Variants in C12orf76 observed in about 807,000 individuals in gnomAD.
C12orf76 encodes the protein uncharacterized protein C12orf76.
A neutral mutation model predicts 6.8 loss-of-function variants in C12orf76; 6 were observed. That is an observed-to-expected ratio of 0.88 (90% confidence interval 0.48 to 1.73). The LOEUF (loss-of-function observed/expected upper bound fraction) is 1.73, where lower values mean the gene tolerates loss of function less well. C12orf76 is among the 40% of genes most tolerant of loss of function. The pLI is 0.01. For synonymous variants in C12orf76, 56 were observed against 43.7 expected, an observed-to-expected ratio of 1.28 and a Z score of -1.11; for missense variants, 99 against 98.2, an observed-to-expected ratio of 1.01 and a Z score of -0.03.
chr12:110,061,619 C>T (rs923491961), intron 2 of C12orf76, among the ~76,000 whole-genome samples: 3 of 152,002 alleles, frequency 2.0e-5, no homozygotes, highest in Non-Finnish European at 4.4e-5. Flanking sequence ...TCACCGCAAC[C>T]TCTGCTGCCT....
upstream of C12orf76, among the ~76,000 whole-genome samples, chr12:110,053,291 A>G (rs935065150): frequency 1.3e-5 from 2 of 151,810 alleles, no homozygotes; most frequent in African/African-American, 4.8e-5. Context: ...TCAAGACCAG[A>G]AGTTCGAGAC....
chr12:110,058,571 A>G (rs1892716594), intron 3 of C12orf76, among the ~76,000 whole-genome samples: 1 of 152,192 alleles, frequency 6.6e-6, no homozygotes, highest in South Asian at 2.1e-4. Context: ...AGGCTGAGGC[A>G]GGAGAATCAC....
At chr12:110,065,979 TC>T (rs1892852429) in exon 2 of C12orf76, 1 of 1,612,456 alleles carries the variant, frequency 6.2e-7, no homozygotes, top group Non-Finnish European at 8.5e-7. Flanking sequence ...TGGGGTCACC[TC>T]CAGAACTGGG....
chr12:110,057,679 A>G (rs193143061), intron 3 of C12orf76, among the ~76,000 whole-genome samples: 1 of 152,162 alleles, frequency 6.6e-6, no homozygotes. Flanking sequence ...GGCTTTCAAC[A>G]ACACTAATGT....
intron 3 of C12orf76, among the ~76,000 whole-genome samples, chr12:110,058,714 T>C (rs1372925070): frequency 6.6e-6 from 1 of 152,202 alleles, no homozygotes; most frequent in Non-Finnish European, 1.5e-5. Context: ...TTGTAGGCCA[T>C]AGCTATAGAA....
At position 110,048,462 on chromosome 12, in the gene C12orf76, C is replaced by A; in HGVS notation, c.34G>T (p.Gly12Cys). 6.7e-7 allele frequency: 1 copy of A among 1,492,182 alleles called. No individual in the cohort carries two copies. The highest frequency in any genetic ancestry group is 8.9e-7 in the Non-Finnish European group (1 of 1,124,966). The allele number at this position is 1,492,182 out of a possible 1,614,324, so 92.4% of individuals were successfully genotyped here. ...LRPALPWLYL[G>C]LCSLLVGEAE... Reference sequence around the variant, plus strand: ...TCCCCCACCAGGAGGCTGCAGAGGCCAAGGTACAGCCACGGTAACGCTGGA... The same window carrying A: ...TCCCCCACCAGGAGGCTGCAGAGGCAAAGGTACAGCCACGGTAACGCTGGA... Residue 12 changes from glycine to cysteine, a missense_variant, in exon 1 of 2, where the codon GGC becomes TGC. Transcript: ENST00000615315.
chr12:110,054,737 A>T lies in C12orf76; in HGVS notation n.664+2452T>A, dbSNP rs114566425. 0.017 allele frequency among the ~76,000 whole-genome samples: 2,639 copies of T among 152,376 alleles called. 81 individuals carry two copies. Among genetic ancestry groups the T allele is most frequent in the African/African-American group, 0.06 (2,490 of 41,580 alleles). ...AAAAAGTAAAAATTATATTTTTTACATATGTAGACATATATGTGTTTAGAA... is the reference window on the plus strand; with the variant it reads ...AAAAAGTAAAAATTATATTTTTTACTTATGTAGACATATATGTGTTTAGAA... On this transcript the variant is annotated intron_variant and non_coding_transcript_variant, in intron 4 of 4. Coordinates refer to the C12orf76 transcript ENST00000309050. This position sits in a 1 kb window ranked among gnomAD's most constrained non-coding sequence, Gnocchi z 4.4.
chr12:110,050,072 C>G (rs1418159291), upstream of C12orf76: 4 of 152,194 alleles, frequency 2.6e-5, no homozygotes, highest in African/African-American at 9.7e-5. Context: ...CCTTCTACAA[C>G]TCGGTGTCTG....
upstream of C12orf76, chr12:110,048,734 A>G (rs1593244710): frequency 8.9e-7 from 1 of 1,120,324 alleles, no homozygotes; most frequent in East Asian, 3.6e-5. Flanking sequence ...GTCTGTGCCA[A>G]CGTTCGCCGC....
chr12:110,046,188 G>A (rs1490981701), intron 1 of C12orf76, among the ~76,000 whole-genome samples: 1 of 152,232 alleles, frequency 6.6e-6, no homozygotes, highest in East Asian at 1.9e-4. Context: ...AGCACTTTGG[G>A]AGGCCACAGT....
chr12:110,042,139 A>G lies in C12orf76; in HGVS notation c.*235T>C. The G allele has an allele frequency of 1.8e-6, 1 of 559,828 alleles. No individual in the cohort carries two copies. The highest frequency in any genetic ancestry group is 2.3e-5 in the South Asian group (1 of 44,278). 34.7% of individuals were successfully genotyped at this position (559,828 alleles called of 1,614,324 possible). A position where few individuals can be genotyped will look rare whatever the true frequency, so the allele number is the denominator to read the frequency against. ...TTGGAGCTTTCAGGTCTTACTTTTA[A>G]CAAGTACAGTCAGAAACACTGAGAA... On this transcript the variant is annotated 3_prime_UTR_variant, in exon 2 of 2. Transcript: ENST00000615315.
At chr12:110,045,858 C>T in intron 1 of C12orf76, 1 of 161,988 alleles carries the variant, frequency 6.2e-6, no homozygotes, top group Non-Finnish European at 1.4e-5. Context: ...ACTTGGGAGG[C>T]TTAGGCAAGA....
intron 1 of C12orf76, among the ~76,000 whole-genome samples, chr12:110,045,397 C>T (rs915451711): frequency 6.6e-6 from 1 of 151,782 alleles, no homozygotes; most frequent in African/African-American, 2.4e-5. Context: ...ACCACTCTGG[C>T]TAACGTGGTG....
upstream of C12orf76, among the ~76,000 whole-genome samples, chr12:110,054,135 A>T (rs1381912761): frequency 6.6e-6 from 1 of 152,210 alleles, no homozygotes; most frequent in Non-Finnish European, 1.5e-5. This position sits in a 1 kb window ranked among gnomAD's most constrained non-coding sequence, Gnocchi z 4.4. Context: ...GTGAAAATGA[A>T]TTAACTAGAG....
At chr12:110,069,710 A>G (rs1250318808), upstream of C12orf76, among the ~76,000 whole-genome samples, 1 of 151,592 alleles carries the variant, frequency 6.6e-6, no homozygotes, top group Admixed American at 6.6e-5. Flanking sequence ...GCACATGAGA[A>G]CAGAGAATGA....
upstream of C12orf76, among the ~76,000 whole-genome samples, chr12:110,071,387 A>AT (rs1341370109): frequency 6.6e-6 from 1 of 152,188 alleles, no homozygotes; most frequent in Non-Finnish European, 1.5e-5. Flanking sequence ...ATAAAAATAC[A>AT]TACATGTATT....
At chr12:110,051,886 T>C (rs1326194802), upstream of C12orf76, among the ~76,000 whole-genome samples, 3 of 151,064 alleles carry the variant, frequency 2.0e-5, no homozygotes, top group Non-Finnish European at 4.4e-5. Flanking sequence ...ATCAATAACA[T>C]TGAAAATGGC....
chr12:110,072,433 T>A (rs943265342), upstream of C12orf76, among the ~76,000 whole-genome samples: 1 of 151,864 alleles, frequency 6.6e-6, no homozygotes, highest in Non-Finnish European at 1.5e-5. Context: ...GAAAGCAGAT[T>A]CATGGGTGGG....
intron 1 of C12orf76, among the ~76,000 whole-genome samples, chr12:110,046,423 T>A (rs1210193227): frequency 2.0e-5 from 3 of 152,100 alleles, no homozygotes; most frequent in African/African-American, 7.2e-5. Flanking sequence ...CAAAACTCCA[T>A]CTCAAAAAAA....
Sources: allele counts gnomAD v4.1 joint callset (sites outside exome capture counted in the v4.1 genomes callset), GRCh38; gene constraint gnomAD v4.1.1; non-coding constraint Gnocchi (gnomAD v3.1); transcripts MANE v1.5; gene names NCBI Gene and HGNC (gene_info 2026-07-23, HGNC 2026-07-21).